BBX: variants seen among roughly 807,000 people sequenced by gnomAD.
BBX encodes the protein BBX high mobility group box domain containing.
In BBX, 30 loss-of-function variants were observed where a neutral mutation model predicts 100.2. The observed-to-expected ratio is 0.30, with a 90% CI of 0.22 to 0.41. BBX has a LOEUF of 0.41. BBX is among the 10% of genes least tolerant of loss of function. The pLI, the probability that BBX is intolerant of heterozygous loss-of-function variation, is 1.00. For missense variants in BBX, 1,023 were observed against 1,129.8 expected (o/e 0.91, Z 1.35); for synonymous variants, 376 against 388.1 (o/e 0.97, Z 0.37).
At chr3:107,548,303 C>G (rs995572617) in intron 2 of BBX, among the ~76,000 whole-genome samples, 4 of 152,308 alleles carry the variant, frequency 2.6e-5, no homozygotes, top group Non-Finnish European at 5.9e-5. Context: ...AATTTATACT[C>G]TTGCTAAAAA....
chr3:107,790,890 ATAT>A (rs1181844248), intron 14 of BBX, among the ~76,000 whole-genome samples: 1 of 151,824 alleles, frequency 6.6e-6, no homozygotes. Context: ...TTGTATATTG[ATAT>A]TATTTTTTCT....
chr3:107,639,615 A>G (rs537368613), intron 2 of BBX, among the ~76,000 whole-genome samples: 1 of 152,286 alleles, frequency 6.6e-6, no homozygotes, highest in South Asian at 2.1e-4. Flanking sequence ...GATACAATTC[A>G]TAGGAGTTTA....
chr3:107,581,070 A>G (rs1267265593), intron 2 of BBX, among the ~76,000 whole-genome samples: 2 of 152,210 alleles, frequency 1.3e-5, no homozygotes, highest in Non-Finnish European at 2.9e-5. Flanking sequence ...ATTGTTATTC[A>G]TAAATGAATT....
In BBX at chr3:107,797,364, A is replaced by ATATATATATATATG. The variant is rs71113691; in HGVS notation, c.2354-1159_2354-1158insTATATATATATATG. On this transcript the variant is annotated intron_variant, in intron 15 of 17. Transcript: ENST00000325805. The stretch of plus-strand genomic sequence containing the variant: ...TATATATATATATATATATATATAT[A>ATATATATATATATG]GCTTTATTGCCAATATCTACCTTCA... Among the ~76,000 whole-genome samples the ATATATATATATATG allele has an allele frequency of 5.6e-4, 61 of 109,828 alleles. 5 individuals carry two copies. Among genetic ancestry groups the ATATATATATATATG allele is most frequent in the Non-Finnish European group, 9.4e-4 (50 of 53,178 alleles). The allele number at this position is 109,828 out of a possible 152,430, so 72.1% of individuals were successfully genotyped here. A position where few individuals can be genotyped will look rare whatever the true frequency, so the allele number is the denominator to read the frequency against.
chr3:107,797,419 A>G (rs922484348), intron 15 of BBX, among the ~76,000 whole-genome samples: 1 of 141,582 alleles, frequency 7.1e-6, no homozygotes, highest in Non-Finnish European at 1.5e-5. Flanking sequence ...TAGTTTGCTT[A>G]GGGCTTGTTA....
At chr3:107,657,485 A>G (rs942501866) in intron 3 of BBX, among the ~76,000 whole-genome samples, 3 of 152,184 alleles carry the variant, frequency 2.0e-5, no homozygotes, top group Non-Finnish European at 4.4e-5. Flanking sequence ...ACCTGAATCA[A>G]TTTAGAAACT....
intron 14 of BBX, among the ~76,000 whole-genome samples, 176 bp downstream of exon 14, chr3:107,790,052 C>A (rs2068839011): frequency 6.6e-6 from 1 of 152,106 alleles, no homozygotes; most frequent in Non-Finnish European, 1.5e-5. Flanking sequence ...TAATGCAAAT[C>A]TCCTTCACTT....
intron 13 of BBX, 92 bp from the exon 14 acceptor site, chr3:107,789,695 G>A (rs1450480532): frequency 4.5e-6 from 4 of 890,292 alleles, no homozygotes; most frequent in Non-Finnish European, 6.6e-6. Context: ...TTATTCCACA[G>A]GAGGGAGGAG....
chr3:107,579,466 C>G (rs2052088507), intron 2 of BBX, among the ~76,000 whole-genome samples: 1 of 152,206 alleles, frequency 6.6e-6, no homozygotes, highest in Admixed American at 6.5e-5. Flanking sequence ...TACTGGATCC[C>G]TTCTTGCCAT....
chr3:107,723,312 A>T, intron 5 of BBX, among the ~76,000 whole-genome samples: 1 of 152,060 alleles, frequency 6.6e-6, no homozygotes, highest in East Asian at 1.9e-4. Context: ...TGGTAAGTCT[A>T]TCTTTTATTA....
In BBX at chr3:107,755,876, G is replaced by T. The variant is rs537302736; in HGVS notation, c.906+198G>T. 3.9e-5 allele frequency among the ~76,000 whole-genome samples: 6 copies of T among 152,186 alleles called. No homozygotes were observed. In the South Asian group the frequency reaches 1.2e-3, roughly 32 times the overall value. On this transcript the variant is annotated intron_variant, in intron 10 of 17. Transcript: ENST00000325805. ...TAAGAGTCATTAAGCATTGCTAAAG[G>T]TTACCTAGAGATATTGCAAAATTTT...
At chr3:107,544,089 G>T (rs2049040737) in intron 2 of BBX, among the ~76,000 whole-genome samples, 1 of 152,182 alleles carries the variant, frequency 6.6e-6, no homozygotes, top group Non-Finnish European at 1.5e-5. Flanking sequence ...TTGTCCTGCA[G>T]TTCAGGGAGG....
At chr3:107,594,697 G>A (rs1259329247) in intron 2 of BBX, among the ~76,000 whole-genome samples, 2 of 152,154 alleles carry the variant, frequency 1.3e-5, no homozygotes, top group East Asian at 1.9e-4. Flanking sequence ...CCACATCATA[G>A]GATTGTTAGG....
intron 3 of BBX, among the ~76,000 whole-genome samples, chr3:107,708,660 C>T (rs775774054): frequency 8.2e-6 from 1 of 122,696 alleles, no homozygotes; most frequent in East Asian, 2.7e-4. Flanking sequence ...GGCAACATAG[C>T]AAGACTCCGT....
chr3:107,574,383 A>G (rs1473311088), intron 2 of BBX, among the ~76,000 whole-genome samples: 2 of 152,186 alleles, frequency 1.3e-5, no homozygotes, highest in African/African-American at 4.8e-5. Context: ...ACTCTTTGCA[A>G]TTTAGCGACT....
intron 10 of BBX, among the ~76,000 whole-genome samples, chr3:107,766,671 A>G (rs2066418827): frequency 6.6e-6 from 1 of 152,252 alleles, no homozygotes; most frequent in South Asian, 2.1e-4. Flanking sequence ...ATCTAGAACC[A>G]GAAATACCAT....
chr3:107,774,788 T>G lies in BBX; in HGVS notation c.1985T>G (p.Phe662Cys), dbSNP rs2067191791. 1.2e-6 allele frequency: 2 copies of G among 1,613,396 alleles called. No individual in the cohort carries two copies. Among genetic ancestry groups the G allele is most frequent in the Non-Finnish European group, 8.5e-7 (1 of 1,179,660 alleles). The part of the protein sequence containing the change: ...EGCWNEESWT[F>C]SQSGTSGSKK... ...TGTTGGAATGAAGAAAGCTGGACATTTAGTCAGAGTGGGACCAGTGGGAGC... is the reference window on the plus strand; with the variant it reads ...TGTTGGAATGAAGAAAGCTGGACATGTAGTCAGAGTGGGACCAGTGGGAGC... The change falls in exon 12 of 18, where the codon TTT becomes TGT. Residue 662 changes from phenylalanine to cysteine, a missense_variant. Physicochemically the swap from Phe to Cys is radical, Grantham distance 205 (BLOSUM62 -2). Transcript: ENST00000325805.
At chr3:107,667,706 A>G in intron 3 of BBX, among the ~76,000 whole-genome samples, 1 of 151,998 alleles carries the variant, frequency 6.6e-6, no homozygotes, top group East Asian at 1.9e-4. Context: ...TATACAGTAA[A>G]GTTGGTAATA....
chr3:107,528,253 C>T lies in BBX; in HGVS notation c.-84+1855C>T, dbSNP rs531988397. Reference sequence around the variant, plus strand: ...TAAGAATTTAAAGACGTTTTTGCTTCTCCATTTCCAAGTGTTTCCAAACTT... The same window carrying T: ...TAAGAATTTAAAGACGTTTTTGCTTTTCCATTTCCAAGTGTTTCCAAACTT... On this transcript the variant is annotated intron_variant, in intron 2 of 17. Transcript: ENST00000325805. Among the ~76,000 whole-genome samples, 5 of 152,296 alleles carry T rather than the reference C, an allele frequency of 3.3e-5. No homozygotes were observed. The South Asian group carries it at 1.0e-3, about 32-fold the overall frequency.
Sources: gnomAD v4.1 joint callset for allele counts (sites outside exome capture counted in the v4.1 genomes callset) on GRCh38, gnomAD v4.1.1 for gene constraint, MANE v1.5 for transcripts, NCBI Gene and HGNC (gene_info 2026-07-23, HGNC 2026-07-21) for gene names.